PLEKHA1: variants seen among roughly 807,000 people sequenced by gnomAD.
PLEKHA1 encodes the protein pleckstrin homology domain containing A1, also known as pleckstrin homology domain-containing family A member 1.
In PLEKHA1, 34 loss-of-function variants were observed where a neutral mutation model predicts 52.0. The observed-to-expected ratio is 0.65, with a 90% CI of 0.50 to 0.87. PLEKHA1 has a LOEUF of 0.87. Among genes scored for constraint, PLEKHA1 ranks in the 40% least tolerant of loss-of-function variants. PLEKHA1 has a pLI of 0.00. For missense variants in PLEKHA1, 497 were observed against 504.2 expected, an observed-to-expected ratio of 0.99 and a Z score of 0.14; for synonymous variants, 163 against 170.7, an observed-to-expected ratio of 0.95 and a Z score of 0.35.
intron 6 of PLEKHA1, among the ~76,000 whole-genome samples, chr10:122,413,291 T>C (rs1445011091): frequency 6.6e-6 from 1 of 152,184 alleles, no homozygotes; most frequent in Non-Finnish European, 1.5e-5. Context: ...ATATGAGTTG[T>C]ATATTACATT....
chr10:122,399,890 T>G (rs927936154), intron 3 of PLEKHA1, among the ~76,000 whole-genome samples: 2 of 152,162 alleles, frequency 1.3e-5, no homozygotes, highest in Non-Finnish European at 2.9e-5. Context: ...CAGCCTAGAT[T>G]TGTGGACTTT....
intron 2 of PLEKHA1, among the ~76,000 whole-genome samples, chr10:122,396,108 C>G (rs965190008): frequency 2.0e-5 from 3 of 151,984 alleles, no homozygotes; most frequent in African/African-American, 7.2e-5. Context: ...CTTAAATTTC[C>G]CCATAGTGTA....
At chr10:122,413,212 C>T (rs1277057872) in intron 6 of PLEKHA1, among the ~76,000 whole-genome samples, 167 bp downstream of exon 6, 1 of 152,062 alleles carries the variant, frequency 6.6e-6, no homozygotes, top group Non-Finnish European at 1.5e-5. Flanking sequence ...TTGGAAATTA[C>T]ATAACATTTA....
chr10:122,434,614 A>G (rs577153215), downstream of PLEKHA1: 91 of 151,042 alleles, frequency 6.0e-4, no homozygotes, highest in African/African-American at 1.9e-3. Flanking sequence ...CATGTGCACA[A>G]TGTGCAGGTT....
intron 8 of PLEKHA1, chr10:122,422,099 A>T (rs2097268136): frequency 6.6e-6 from 1 of 152,242 alleles, no homozygotes; most frequent in African/African-American, 2.4e-5. Context: ...AAGTAATGAT[A>T]GTAATGGAAT....
intron 2 of PLEKHA1, among the ~76,000 whole-genome samples, chr10:122,394,613 G>GT (rs1405054813): frequency 6.6e-6 from 1 of 152,112 alleles, no homozygotes; most frequent in Non-Finnish European, 1.5e-5. Context: ...AAGTAGTCTA[G>GT]TATTCTTCAC....
At chr10:122,423,610 T>C (rs543237206) in intron 8 of PLEKHA1, 1 of 152,378 alleles carries the variant, frequency 6.6e-6, no homozygotes, top group Non-Finnish European at 1.5e-5. Flanking sequence ...TTGTATCTTA[T>C]ATCTACTTTG....
intron 1 of PLEKHA1, among the ~76,000 whole-genome samples, chr10:122,389,180 T>C (rs1377886008): frequency 1.3e-5 from 2 of 152,258 alleles, no homozygotes; most frequent in African/African-American, 2.4e-5. Flanking sequence ...GGCAGCTATA[T>C]TTCAAATCAC....
intron 1 of PLEKHA1, among the ~76,000 whole-genome samples, chr10:122,385,330 T>C (rs1156891300): frequency 2.1e-5 from 3 of 146,232 alleles, no homozygotes; most frequent in African/African-American, 7.6e-5. Context: ...TTTTTTTTTT[T>C]TTTTGAGGCG....
At chr10:122,417,522 G>A (rs1025966495) in intron 7 of PLEKHA1, among the ~76,000 whole-genome samples, 1 of 151,462 alleles carries the variant, frequency 6.6e-6, no homozygotes, top group South Asian at 2.1e-4. Context: ...AGTGATGGGA[G>A]CCTGTAATCC....
rs190903583 is a variant in PLEKHA1 at position 122,391,168 on chromosome 10, T to C, written c.-20-2013T>C. Among the ~76,000 whole-genome samples the C allele has an allele frequency of 3.3e-5, 5 of 152,156 alleles. No individual in the cohort carries two copies. The East Asian group carries it at 9.6e-4, about 29-fold the overall frequency. ...GTTTTTGAGTTCTGAAAGTTACTTA[T>C]GTATTCTGGATACTAGATCCTTGTC... On this transcript the variant is annotated intron_variant, in intron 1 of 11. Transcript: ENST00000368990.
chr10:122,415,881 G>C lies in PLEKHA1; in HGVS notation c.491G>C (p.Gly164Ala), dbSNP rs759958057. The C allele has an allele frequency of 6.2e-7, 1 of 1,611,828 alleles. No individual in the cohort carries two copies. The highest frequency in any genetic ancestry group is 8.5e-7 in the Non-Finnish European group (1 of 1,178,548). Residue 164 changes from glycine to alanine, a missense_variant, in exon 7 of 12, where the codon GGT becomes GCT. Physicochemically the swap from Gly to Ala is moderately conservative, Grantham distance 60. Transcript: ENST00000368990. ...PTQKEEVNECGESIDRNNLKR... is the reference protein window; with the variant it reads ...PTQKEEVNECAESIDRNNLKR... ...TAGAAAGAAGAAGTAAATGAATGTG[G>C]TGAAAGTATTGACAGAAATAATCTG...
chr10:122,406,160 T>C (rs1366528722), intron 4 of PLEKHA1, among the ~76,000 whole-genome samples: 3 of 152,204 alleles, frequency 2.0e-5, no homozygotes, highest in Non-Finnish European at 4.4e-5. Context: ...TGTGGGAAGA[T>C]GATTTGGAAA....
chr10:122,382,804 AATC>A (rs758567727), intron 1 of PLEKHA1, among the ~76,000 whole-genome samples: 28 of 152,194 alleles, frequency 1.8e-4, no homozygotes, highest in Non-Finnish European at 3.2e-4. Flanking sequence ...TTTTAAATAT[AATC>A]ATATCAACAT....
rs114126480 is a variant in PLEKHA1 at position 122,408,973 on chromosome 10, A to G, written c.342+2300A>G. On this transcript the variant is annotated intron_variant, in intron 5 of 11. Transcript: ENST00000368990. ...TAAATTTTAAAATTTTGGAAATCCA[A>G]AATTAGAGTTTGGAAGTGTGTGGTT... 6.2e-3 allele frequency among the ~76,000 whole-genome samples: 946 copies of G among 152,264 alleles called. 6 individuals are homozygous for G. Among genetic ancestry groups the G allele is most frequent in the Non-Finnish European group, 0.01 (703 of 68,010 alleles).
Position 122,387,381 on chromosome 10 carries a change from T to G in PLEKHA1, c.-20-5800T>G, listed in dbSNP as rs532481003. On this transcript the variant is annotated intron_variant, in intron 1 of 11. Transcript: ENST00000368990. ...TAAGAATGTTTTCTGATTTCCCTTT[T>G]GATTTCTTCTTTTACCCATATTTTA... 2.0e-5 allele frequency: 3 copies of G among 152,310 alleles called. No homozygotes were observed. The South Asian group carries it at 6.2e-4, about 32-fold the overall frequency. 9.4% of individuals were successfully genotyped at this position (152,310 alleles called of 1,614,324 possible). A position where few individuals can be genotyped will look rare whatever the true frequency, so the allele number is the denominator to read the frequency against.
intron 1 of PLEKHA1, among the ~76,000 whole-genome samples, chr10:122,378,985 A>G (rs78019016): frequency 0.014 from 2,074 of 152,244 alleles, 37 homozygotes; most frequent in African/African-American, 0.047. Context: ...GTAGAAAAAG[A>G]CAAGTGTTTG....
intron 6 of PLEKHA1, among the ~76,000 whole-genome samples, chr10:122,414,481 A>G (rs189577667): frequency 2.2e-4 from 34 of 152,262 alleles, no homozygotes; most frequent in Admixed American, 1.4e-3. Flanking sequence ...TACTTGCTCT[A>G]TGAAAGACCT....
In PLEKHA1 at chr10:122,393,394, G is replaced by C; in HGVS notation, c.141+53G>C. 3 of 1,517,258 alleles carry C rather than the reference G, an allele frequency of 2.0e-6. No individual in the cohort carries two copies. The highest frequency in any genetic ancestry group is 2.6e-6 in the Non-Finnish European group (3 of 1,133,832). The allele number at this position is 1,517,258 out of a possible 1,614,324, so 94.0% of individuals were successfully genotyped here. A position where few individuals can be genotyped will look rare whatever the true frequency, so the allele number is the denominator to read the frequency against. On this transcript the variant is annotated intron_variant, in intron 2 of 11. Coordinates refer to ENST00000368990, the MANE Select transcript of PLEKHA1 (RefSeq NM_001001974.4). This position sits in a 1 kb window ranked among gnomAD's most constrained non-coding sequence, Gnocchi z 4.5. ...TAAAAGCACAGAAAGTTGTATTTAA[G>C]TATTTAACATACTATACAGGCTTTA...
Sources: gnomAD v4.1 joint callset for allele counts (sites outside exome capture counted in the v4.1 genomes callset) on GRCh38, gnomAD v4.1.1 for gene constraint, Gnocchi (gnomAD v3.1) non-coding constraint, MANE v1.5 for transcripts, NCBI Gene and HGNC (gene_info 2026-07-23, HGNC 2026-07-21) for gene names.